DACH1: variants seen among roughly 807,000 people sequenced by gnomAD.
DACH1 encodes the protein dachshund family transcription factor 1, also known as dachshund homolog 1.
A neutral mutation model predicts 54.2 loss-of-function variants in DACH1; 12 were observed. The ratio of observed to expected loss-of-function variants is 0.22; its 90% confidence interval spans 0.14 to 0.36. The LOEUF is 0.36. Among genes scored for constraint, DACH1 ranks in the 10% least tolerant of loss-of-function variants. The pLI is 1.00. For missense variants in DACH1, 805 were observed against 929.8 expected (o/e 0.87, Z 1.75); for synonymous variants, 386 against 366.2 (o/e 1.05, Z -0.62).
chr13:71,841,247 T>C (rs533942476), intron 1 of DACH1, among the ~76,000 whole-genome samples: 41 of 152,296 alleles, frequency 2.7e-4, no homozygotes, highest in African/African-American at 9.1e-4. Context: ...AATACGTATA[T>C]GTGCTGTGAG....
At chr13:71,709,572 G>T (rs1419585068) in intron 1 of DACH1, among the ~76,000 whole-genome samples, 3 of 152,118 alleles carry the variant, frequency 2.0e-5, no homozygotes, top group African/African-American at 4.8e-5. Context: ...TTGTGTTCAA[G>T]TAATCCTTAT....
At chr13:71,749,545 A>G (rs1056877029) in intron 1 of DACH1, among the ~76,000 whole-genome samples, 1 of 152,180 alleles carries the variant, frequency 6.6e-6, no homozygotes, top group African/African-American at 2.4e-5. Context: ...GCACAGAGTC[A>G]GTACTCAGTA....
At chr13:71,671,946 T>C (rs1470397485) in intron 2 of DACH1, among the ~76,000 whole-genome samples, 1 of 152,132 alleles carries the variant, frequency 6.6e-6, no homozygotes, top group Non-Finnish European at 1.5e-5. Flanking sequence ...GATTCTATTG[T>C]ATCATCCACT....
At chr13:71,582,334 A>G (rs993820262) in intron 3 of DACH1, among the ~76,000 whole-genome samples, 1 of 152,134 alleles carries the variant, frequency 6.6e-6, no homozygotes, top group Admixed American at 6.5e-5. Flanking sequence ...CTTTTTAATA[A>G]GATAATCAAT....
intron 3 of DACH1, among the ~76,000 whole-genome samples, chr13:71,623,007 T>G (rs1876359010): frequency 6.6e-6 from 1 of 151,764 alleles, no homozygotes; most frequent in African/African-American, 2.4e-5. Flanking sequence ...ATTTTCTGCC[T>G]TCTGCTTATC....
intron 3 of DACH1, among the ~76,000 whole-genome samples, chr13:71,614,749 GAGGCTA>G (rs976556826): frequency 1.5e-4 from 22 of 151,502 alleles, no homozygotes; most frequent in South Asian, 6.3e-4. Context: ...AGCTACTCTG[GAGGCTA>G]AGGCAGGAGG....
At chr13:71,746,352 A>G (rs1884602863) in intron 1 of DACH1, among the ~76,000 whole-genome samples, 1 of 152,256 alleles carries the variant, frequency 6.6e-6, no homozygotes, top group Non-Finnish European at 1.5e-5. Context: ...TATAGATGAC[A>G]AAGTGGAAGC....
intron 3 of DACH1, among the ~76,000 whole-genome samples, chr13:71,579,367 G>A (rs2138429694): frequency 6.6e-6 from 1 of 152,184 alleles, no homozygotes; most frequent in Non-Finnish European, 1.5e-5. Context: ...ATGGAAACTA[G>A]AACTGCTTAT....
At chr13:71,777,645 T>C (rs1157644169) in intron 1 of DACH1, among the ~76,000 whole-genome samples, 2 of 152,100 alleles carry the variant, frequency 1.3e-5, no homozygotes, top group Admixed American at 6.6e-5. Context: ...ACGCCAAACT[T>C]GTAGATTGGA....
intron 1 of DACH1, among the ~76,000 whole-genome samples, chr13:71,851,450 C>G (rs945591170): frequency 6.6e-6 from 1 of 151,890 alleles, no homozygotes; most frequent in Non-Finnish European, 1.5e-5. Flanking sequence ...AAAACTTTGC[C>G]TATATTATTA....
chr13:71,711,722 T>A (rs1882731190), intron 1 of DACH1, among the ~76,000 whole-genome samples: 1 of 152,076 alleles, frequency 6.6e-6, no homozygotes, highest in Non-Finnish European at 1.5e-5. Flanking sequence ...CATTTCAGTG[T>A]GATAATGAAA....
chr13:71,524,432 T>A (rs1335404656), intron 6 of DACH1, among the ~76,000 whole-genome samples: 2 of 152,142 alleles, frequency 1.3e-5, no homozygotes, highest in African/African-American at 4.8e-5. Flanking sequence ...TGCTTTTTAA[T>A]AGATAGGCAT....
intron 6 of DACH1, among the ~76,000 whole-genome samples, chr13:71,535,336 C>G (rs1882697846): frequency 6.6e-6 from 1 of 151,736 alleles, no homozygotes. Flanking sequence ...AAATGTTCAA[C>G]TGGCTTTTAG....
At chr13:71,742,385 C>T (rs966364562) in intron 1 of DACH1, among the ~76,000 whole-genome samples, 3 of 152,102 alleles carry the variant, frequency 2.0e-5, no homozygotes, top group Admixed American at 6.5e-5. Flanking sequence ...TATCAATGGT[C>T]GTTACCAGTT....
chr13:71,609,387 T>C (rs1295334025), intron 3 of DACH1, among the ~76,000 whole-genome samples: 4 of 152,198 alleles, frequency 2.6e-5, no homozygotes, highest in Admixed American at 1.3e-4. Flanking sequence ...TAAGAATATA[T>C]GTTGATGTTT....
intron 1 of DACH1, among the ~76,000 whole-genome samples, chr13:71,795,358 T>C (rs1031169855): frequency 6.6e-6 from 1 of 152,168 alleles, no homozygotes; most frequent in African/African-American, 2.4e-5. Flanking sequence ...TCTTGATATT[T>C]CCACAGTGAA....
At chr13:71,671,794 G>C (rs1487072684) in intron 2 of DACH1, among the ~76,000 whole-genome samples, 1 of 152,080 alleles carries the variant, frequency 6.6e-6, no homozygotes, top group Non-Finnish European at 1.5e-5. Context: ...ATTTCTGTCA[G>C]AAGGAAAATT....
chr13:71,597,973 G>A (rs888036688), intron 3 of DACH1, among the ~76,000 whole-genome samples: 6 of 151,688 alleles, frequency 4.0e-5, no homozygotes, highest in African/African-American at 1.5e-4. Context: ...AAAAAAATAT[G>A]GGAGGCTGAG....
At position 71,677,586 on chromosome 13, in the gene DACH1, T is replaced by A. The variant is rs189919274; in HGVS notation, c.964+4209A>T. On this transcript the variant is annotated intron_variant, in intron 2 of 10. Transcript: ENST00000613252. ...TAAGACTGGGAAAATACATTTTTTT[T>A]AAAAAAAGTCTTTTTTTTCCTAAGA... 5.3e-3 allele frequency among the ~76,000 whole-genome samples: 800 copies of A among 152,192 alleles called. 5 individuals are homozygous for A. The highest frequency in any genetic ancestry group is 0.011 in the South Asian group (54 of 4,812).
Sources: gnomAD v4.1 joint callset for allele counts (sites outside exome capture counted in the v4.1 genomes callset) on GRCh38, gnomAD v4.1.1 for gene constraint, MANE v1.5 for transcripts, NCBI Gene and HGNC (gene_info 2026-07-23, HGNC 2026-07-21) for gene names.